SH3PXD2B: variants seen among roughly 807,000 people sequenced by gnomAD.
The protein encoded by SH3PXD2B is SH3 and PX domains 2B.
SH3PXD2B carries 37 observed loss-of-function variants against 73.1 expected under a neutral mutation model. The ratio of observed to expected loss-of-function variants is 0.51; its 90% CI spans 0.39 to 0.67. The LOEUF (loss-of-function observed/expected upper bound fraction) is 0.67, where lower values mean the gene tolerates loss of function less well. SH3PXD2B is among the 30% of genes least tolerant of loss of function. The probability of loss-of-function intolerance (pLI) is 0.00; values close to 1 mark genes in which losing one functional copy is unlikely to be tolerated. For synonymous variants in SH3PXD2B, 457 were observed against 480.5 expected (o/e 0.95, Z 0.64); for missense variants, 1,053 against 1,197.8 (o/e 0.88, Z 1.78).
chr5:172,357,102 G>C (rs936052284), intron 8 of SH3PXD2B, among the ~76,000 whole-genome samples: 1 of 119,042 alleles, frequency 8.4e-6, no homozygotes, highest in Non-Finnish European at 1.6e-5. Context: ...CTGAGTAACA[G>C]AGTGAGACCC....
Position 172,333,597 on chromosome 5 carries a change from A to T in SH3PXD2B, c.*4772T>A. The T allele has an allele frequency of 7.8e-7, 1 of 1,275,388 alleles. No individual in the cohort carries two copies. The highest frequency in any genetic ancestry group is 1.3e-5 in the South Asian group (1 of 78,612). 79.0% of individuals were successfully genotyped at this position (1,275,388 alleles called of 1,614,324 possible). A position where few individuals can be genotyped will look rare whatever the true frequency, so the allele number is the denominator to read the frequency against. On this transcript the variant is annotated 3_prime_UTR_variant, in exon 13 of 13. Coordinates refer to ENST00000311601, the MANE Select transcript of SH3PXD2B (RefSeq NM_001017995.3). The stretch of plus-strand genomic sequence containing the variant: ...AAAGTATATAGCCTACACATGCTAC[A>T]GCTAGTTGTTCTCACCCCTCCCCTC...
downstream of SH3PXD2B, among the ~76,000 whole-genome samples, chr5:172,330,061 C>A (rs1301107891): frequency 6.6e-6 from 1 of 152,110 alleles, no homozygotes; most frequent in African/African-American, 2.4e-5. Flanking sequence ...TTGTGGGTAT[C>A]AATTTTTTTT....
chr5:172,435,389 T>C (rs1759351197), intron 1 of SH3PXD2B, among the ~76,000 whole-genome samples: 1 of 152,140 alleles, frequency 6.6e-6, no homozygotes, highest in African/African-American at 2.4e-5. Context: ...CCTGTGTTAG[T>C]GGAATTCCTT....
At chr5:172,420,657 C>A (rs538732654) in intron 2 of SH3PXD2B, among the ~76,000 whole-genome samples, 7 of 152,304 alleles carry the variant, frequency 4.6e-5, no homozygotes, top group African/African-American at 1.7e-4. Context: ...CAGTCTCCAC[C>A]CTTATTGACT....
intron 4 of SH3PXD2B, among the ~76,000 whole-genome samples, chr5:172,390,827 G>GTC (rs1561919132): frequency 7.9e-6 from 1 of 126,442 alleles, no homozygotes; most frequent in Admixed American, 7.3e-5. Context: ...GTGTGTGTGT[G>GTC]TGTGTGTGTG....
chr5:172,376,200 T>C (rs969590729), intron 5 of SH3PXD2B, among the ~76,000 whole-genome samples: 8 of 152,102 alleles, frequency 5.3e-5, no homozygotes, highest in Non-Finnish European at 1.0e-4. Context: ...TGGCTCTTTT[T>C]GTATTTTTAG....
chr5:172,417,775 C>G (rs1758859549), intron 2 of SH3PXD2B, among the ~76,000 whole-genome samples: 1 of 152,226 alleles, frequency 6.6e-6, no homozygotes, highest in Admixed American at 6.5e-5. Flanking sequence ...CTCTGGCACT[C>G]ACCATCCCTT....
intron 6 of SH3PXD2B, among the ~76,000 whole-genome samples, chr5:172,363,120 T>A (rs372039446): frequency 1.1e-3 from 162 of 152,288 alleles, no homozygotes; most frequent in African/African-American, 3.8e-3. Context: ...CTGAAGATGT[T>A]GACAGCCTAG....
chr5:172,427,891 C>T (rs1442464953), intron 1 of SH3PXD2B, among the ~76,000 whole-genome samples: 1 of 151,806 alleles, frequency 6.6e-6, no homozygotes, highest in East Asian at 1.9e-4. Flanking sequence ...AATTCTCTGC[C>T]TCAGCCTCCC....
At chr5:172,396,521 C>A (rs1758302081) in intron 3 of SH3PXD2B, among the ~76,000 whole-genome samples, 1 of 152,042 alleles carries the variant, frequency 6.6e-6, no homozygotes, top group Non-Finnish European at 1.5e-5. Flanking sequence ...TGTAGCTAAT[C>A]CAACATTTTA....
chr5:172,435,592 A>G (rs1296202183), intron 1 of SH3PXD2B, among the ~76,000 whole-genome samples: 1 of 151,996 alleles, frequency 6.6e-6, no homozygotes, highest in African/African-American at 2.4e-5. Flanking sequence ...CTGGCTAATA[A>G]ACAAATTTTT....
chr5:172,370,754 T>C (rs943640418), intron 6 of SH3PXD2B, among the ~76,000 whole-genome samples: 20 of 152,218 alleles, frequency 1.3e-4, no homozygotes, highest in Non-Finnish European at 1.5e-4. Flanking sequence ...ACTCAACTTA[T>C]TGAAACTGAT....
At chr5:172,354,227 A>G (rs1289763077) in intron 8 of SH3PXD2B, among the ~76,000 whole-genome samples, 5 of 151,914 alleles carry the variant, frequency 3.3e-5, no homozygotes, top group African/African-American at 1.2e-4. Context: ...AGCGCCACAC[A>G]CTCAGCCTCA....
At chr5:172,431,136 G>A (rs1031800429) in intron 1 of SH3PXD2B, among the ~76,000 whole-genome samples, 1 of 152,072 alleles carries the variant, frequency 6.6e-6, no homozygotes, top group African/African-American at 2.4e-5. Flanking sequence ...CAAAGTGCTG[G>A]GATTACAGGC....
Position 172,353,799 on chromosome 5 carries a change from C to T in SH3PXD2B, c.785+89G>A, listed in dbSNP as rs567135956. 4.0e-6 allele frequency: 4 copies of T among 996,662 alleles called. No individual in the cohort carries two copies. In the East Asian group the frequency reaches 7.1e-5, roughly 18 times the overall value. 61.7% of individuals were successfully genotyped at this position (996,662 alleles called of 1,614,324 possible). On this transcript the variant is annotated intron_variant, in intron 9 of 12. Transcript: ENST00000311601. The surrounding 1 kb of genome is among the most constrained non-coding windows in gnomAD (Gnocchi z 4.3). ...TCGCCCAGATGCAATCACTTACCGA[C>T]CTCTGTGAGGCCAGAGTCCCTGTGA...
intron 10 of SH3PXD2B, among the ~76,000 whole-genome samples, chr5:172,349,732 C>A (rs755570901): frequency 6.6e-6 from 1 of 152,032 alleles, no homozygotes; most frequent in Non-Finnish European, 1.5e-5. Flanking sequence ...TATGAGGAGT[C>A]GATTAGACTA....
chr5:172,381,867 G>C (rs956947007), intron 5 of SH3PXD2B, among the ~76,000 whole-genome samples, 169 bp downstream of exon 5: 1 of 152,180 alleles, frequency 6.6e-6, no homozygotes, highest in African/African-American at 2.4e-5. Context: ...TCAAACGGAC[G>C]ATCGCTACCC....
chr5:172,403,404 C>A lies in SH3PXD2B; in HGVS notation c.232+2873G>T, dbSNP rs947962845. Among the ~76,000 whole-genome samples, 7 of 152,262 alleles carry A rather than the reference C, an allele frequency of 4.6e-5. No homozygotes were observed. The South Asian group carries it at 1.4e-3, about 32-fold the overall frequency. On this transcript the variant is annotated intron_variant, in intron 3 of 12. Transcript: ENST00000311601. ...AGAGGGGGCGCTTCTTTCGTGCTTC[C>A]CTGCCTTGGCCTCACCCTCGGCCTT...
intron 6 of SH3PXD2B, among the ~76,000 whole-genome samples, chr5:172,363,151 T>C (rs1757435949): frequency 6.6e-6 from 1 of 152,168 alleles, no homozygotes; most frequent in African/African-American, 2.4e-5. Context: ...CATTCATTCA[T>C]ACTTAGCCAT....
Sources: allele counts gnomAD v4.1 joint callset (sites outside exome capture counted in the v4.1 genomes callset), GRCh38; gene constraint gnomAD v4.1.1; non-coding constraint Gnocchi (gnomAD v3.1); transcripts MANE v1.5; gene names NCBI Gene and HGNC (gene_info 2026-07-23, HGNC 2026-07-21).